ARHGAP29: variants seen among roughly 807,000 people sequenced by gnomAD.
ARHGAP29 encodes the protein Rho GTPase activating protein 29.
In ARHGAP29, 43 loss-of-function variants were observed where a neutral mutation model predicts 122.6. The observed-to-expected ratio is 0.35, with a 90% confidence interval of 0.27 to 0.45. The LOEUF is 0.45. ARHGAP29 is among the 20% of genes least tolerant of loss of function. The pLI, the probability that ARHGAP29 is intolerant of heterozygous loss-of-function variation, is 1.00. For synonymous variants in ARHGAP29, 506 were observed against 497.1 expected, an observed-to-expected ratio of 1.02 and a Z score of -0.24; for missense variants, 1,303 against 1,477.2, an observed-to-expected ratio of 0.88 and a Z score of 1.93.
upstream of ARHGAP29, among the ~76,000 whole-genome samples, chr1:94,239,714 G>T (rs1030983232): frequency 1.3e-5 from 2 of 151,842 alleles, no homozygotes; most frequent in Non-Finnish European, 2.9e-5. Context: ...AAGGAAAGAG[G>T]GTCATTTCTC....
At chr1:94,181,501 C>G (rs549688615) in intron 19 of ARHGAP29, among the ~76,000 whole-genome samples, 5 of 152,238 alleles carry the variant, frequency 3.3e-5, no homozygotes, top group Non-Finnish European at 7.4e-5. Flanking sequence ...TTGGCTCTTA[C>G]AGGACTGGTA....
At chr1:94,238,053 A>ATTTTTTTTT (rs71717670), upstream of ARHGAP29, among the ~76,000 whole-genome samples, 1 of 61,008 alleles carries the variant, frequency 1.6e-5, no homozygotes, top group Non-Finnish European at 2.8e-5. Context: ...GCCTATCTGT[A>ATTTTTTTTT]TTTTTTTTTT....
At chr1:94,269,059 A>G (rs1654892428) in intron 1 of ARHGAP29, among the ~76,000 whole-genome samples, 1 of 152,016 alleles carries the variant, frequency 6.6e-6, no homozygotes, top group African/African-American at 2.4e-5. Context: ...CCTCTTTTCT[A>G]TTTTGAGGGA....
chr1:94,258,305 G>A (rs1034228975), intron 1 of ARHGAP29, among the ~76,000 whole-genome samples: 3 of 152,192 alleles, frequency 2.0e-5, no homozygotes, highest in African/African-American at 4.8e-5. Flanking sequence ...CTTATGCTCA[G>A]TATTACCTGG....
At chr1:94,270,421 A>G (rs1022573239) in intron 1 of ARHGAP29, among the ~76,000 whole-genome samples, 7 of 152,190 alleles carry the variant, frequency 4.6e-5, no homozygotes, top group Admixed American at 2.0e-4. Context: ...ATGTGTGACC[A>G]TGGGATGCCA....
At chr1:94,294,799 T>C in the ARHGAP29 span, among the ~76,000 whole-genome samples, 1 of 151,994 alleles carries the variant, frequency 6.6e-6, no homozygotes, top group Non-Finnish European at 1.5e-5. Context: ...GTTCAAGAGA[T>C]AAGTGGAGGG....
the ARHGAP29 span, among the ~76,000 whole-genome samples, chr1:94,310,202 A>G: frequency 6.6e-6 from 1 of 152,186 alleles, no homozygotes; most frequent in South Asian, 2.1e-4. Flanking sequence ...ACCTGGCAGC[A>G]ATACCTGGGC....
chr1:94,238,373 CT>C (rs1405164095), upstream of ARHGAP29, among the ~76,000 whole-genome samples: 2 of 151,832 alleles, frequency 1.3e-5, no homozygotes, highest in African/African-American at 4.8e-5. Flanking sequence ...CCGGTCCTTT[CT>C]TTCTTAGCTG....
At chr1:94,215,052 T>C (rs1018625671) in intron 3 of ARHGAP29, among the ~76,000 whole-genome samples, 41 of 135,024 alleles carry the variant, frequency 3.0e-4, no homozygotes, top group African/African-American at 1.1e-3. Flanking sequence ...TCAGAGCCCA[T>C]AGTTCAAAAA....
In ARHGAP29 at chr1:94,170,641, T is replaced by C. The variant is rs193208729; in HGVS notation, c.*3228A>G. 6.6e-6 allele frequency among the ~76,000 whole-genome samples: 1 copy of C among 152,300 alleles called. No individual in the cohort carries two copies. The highest frequency in any genetic ancestry group is 1.5e-5 in the Non-Finnish European group (1 of 68,020). On this transcript the variant is annotated 3_prime_UTR_variant, in exon 23 of 23. Coordinates refer to ENST00000260526, the MANE Select transcript of ARHGAP29 (RefSeq NM_004815.4). ...GCCCTTGTCTTAAGGAAACACACAG[T>C]AGATAGAGGTAATAATGCAAAAAAT...
the ARHGAP29 span, among the ~76,000 whole-genome samples, chr1:94,301,746 G>C: frequency 1.3e-5 from 2 of 152,172 alleles, no homozygotes; most frequent in South Asian, 2.1e-4. Context: ...CCTGATCCAG[G>C]TGCAGTGCTA....
intron 2 of ARHGAP29, among the ~76,000 whole-genome samples, chr1:94,221,331 TC>T (rs1652280089): frequency 6.6e-6 from 1 of 152,116 alleles, no homozygotes; most frequent in African/African-American, 2.4e-5. Flanking sequence ...TATATAATCT[TC>T]CTTTCTGTAA....
chr1:94,211,562 T>C (rs975164137), intron 3 of ARHGAP29, among the ~76,000 whole-genome samples: 4 of 152,038 alleles, frequency 2.6e-5, no homozygotes, highest in Non-Finnish European at 5.9e-5. Flanking sequence ...TCTTTTCAAA[T>C]GCACACTGAA....
Position 94,173,688 on chromosome 1 carries a change from C to T in ARHGAP29, c.*181G>A, listed in dbSNP as rs575181267. 4 of 641,944 alleles carry T rather than the reference C, an allele frequency of 6.2e-6. No individual in the cohort carries two copies. Among genetic ancestry groups the T allele is most frequent in the Admixed American group, 3.1e-5 (1 of 32,418 alleles). 39.8% of individuals were successfully genotyped at this position (641,944 alleles called of 1,614,324 possible). ...AATTCCAGTGAGGCACAAATGTGACCCTATCAAAACATTCTACCATTCAGT... is the reference window on the plus strand; with the variant it reads ...AATTCCAGTGAGGCACAAATGTGACTCTATCAAAACATTCTACCATTCAGT... On this transcript the variant is annotated 3_prime_UTR_variant, in exon 23 of 23. Transcript: ENST00000260526.
intron 17 of ARHGAP29, 100 bp from the exon 18 acceptor site, chr1:94,185,160 G>A (rs1649717252): frequency 3.2e-6 from 4 of 1,249,154 alleles, no homozygotes; most frequent in Middle Eastern, 2.6e-4. Context: ...AGTTTAAGAG[G>A]TATTACTTGC....
At chr1:94,257,808 G>A (rs1346135978) in intron 1 of ARHGAP29, among the ~76,000 whole-genome samples, 2 of 152,208 alleles carry the variant, frequency 1.3e-5, no homozygotes, top group East Asian at 3.8e-4. Flanking sequence ...GCAAGGACTA[G>A]TTAATAGGCA....
intron 22 of ARHGAP29, among the ~76,000 whole-genome samples, chr1:94,175,924 T>C (rs1003497311): frequency 2.6e-5 from 4 of 152,062 alleles, no homozygotes; most frequent in African/African-American, 4.8e-5. Context: ...AGGCTGGTCC[T>C]GAACTCCTGG....
At chr1:94,219,576 T>G (rs1322664635) in intron 3 of ARHGAP29, among the ~76,000 whole-genome samples, 1 of 152,120 alleles carries the variant, frequency 6.6e-6, no homozygotes, top group Non-Finnish European at 1.5e-5. Context: ...GCTTCAACCC[T>G]CATCTAGCCC....
At chr1:94,200,728 C>A (rs1650788996) in intron 12 of ARHGAP29, among the ~76,000 whole-genome samples, 1 of 152,166 alleles carries the variant, frequency 6.6e-6, no homozygotes, top group Non-Finnish European at 1.5e-5. Flanking sequence ...TTGATACATG[C>A]ATAACATTGA....
Sources: allele counts gnomAD v4.1 joint callset (sites outside exome capture counted in the v4.1 genomes callset), GRCh38; gene constraint gnomAD v4.1.1; transcripts MANE v1.5; gene names NCBI Gene and HGNC (gene_info 2026-07-23, HGNC 2026-07-21).